PDS5B: variants seen among roughly 807,000 people sequenced by gnomAD.
PDS5B encodes the protein PDS5 cohesin associated factor B.
PDS5B carries 51 observed loss-of-function variants against 184.1 expected under a neutral mutation model. The observed-to-expected ratio is 0.28, with a 90% CI of 0.22 to 0.35. The LOEUF (loss-of-function observed/expected upper bound fraction) is 0.35. PDS5B is among the 10% of genes least tolerant of loss of function. The pLI, the probability that PDS5B is intolerant of heterozygous loss-of-function variation, is 1.00. For missense variants in PDS5B, 1,180 were observed against 1,723.3 expected (o/e 0.68, Z 5.58); for synonymous variants, 566 against 569.2 (o/e 0.99, Z 0.08).
intron 33 of PDS5B, among the ~76,000 whole-genome samples, chr13:32,772,103 T>C (rs1036258869): frequency 1.3e-5 from 2 of 152,140 alleles, no homozygotes; most frequent in African/African-American, 4.8e-5. Flanking sequence ...AAAAAGATTG[T>C]CATTATGTTT....
At chr13:32,625,961 C>G (rs1168360992) in intron 1 of PDS5B, among the ~76,000 whole-genome samples, 1 of 151,944 alleles carries the variant, frequency 6.6e-6, no homozygotes, top group Non-Finnish European at 1.5e-5. Flanking sequence ...GCCTCAGCCT[C>G]CAGAGTAGCT....
chr13:32,656,771 A>G lies in PDS5B; in HGVS notation c.313-1468A>G, dbSNP rs527966991. ...GCCACCATGCCTGGCTAATTTTCGT[A>G]TTTTTAGTAGAGATGGGGTTTTGCC... On this transcript the variant is annotated intron_variant, in intron 3 of 34. Coordinates refer to ENST00000315596, the MANE Select transcript of PDS5B (RefSeq NM_015032.4). 4.0e-5 allele frequency among the ~76,000 whole-genome samples: 6 copies of G among 151,654 alleles called. No individual in the cohort carries two copies. The South Asian group carries it at 1.0e-3, about 26-fold the overall frequency.
intron 1 of PDS5B, among the ~76,000 whole-genome samples, chr13:32,636,290 C>G (rs551765464): frequency 6.6e-6 from 1 of 152,142 alleles, no homozygotes; most frequent in Non-Finnish European, 1.5e-5. Flanking sequence ...GCTTTGAAAA[C>G]CATGATCTGT....
chr13:32,634,042 A>C (rs372793337), intron 1 of PDS5B, among the ~76,000 whole-genome samples: 1 of 152,076 alleles, frequency 6.6e-6, no homozygotes, highest in Non-Finnish European at 1.5e-5. Flanking sequence ...CCTCTCTTCA[A>C]ATACTCTTAT....
chr13:32,598,914 G>C lies in PDS5B; in HGVS notation c.-20+12321G>C, dbSNP rs143958739. ...GCCTTCCAAGTAGCTGGGACTATAG[G>C]CGCCTGCCACGGCGCCCAGCTAATT... On this transcript the variant is annotated intron_variant, in intron 1 of 34. Transcript: ENST00000315596. Among the ~76,000 whole-genome samples, 586 of 151,940 alleles carry C rather than the reference G, an allele frequency of 3.9e-3. 11 individuals carry two copies. The highest frequency in any genetic ancestry group is 0.013 in the African/African-American group (557 of 41,426).
chr13:32,667,941 A>G (rs1950844368), intron 7 of PDS5B, 97 bp downstream of exon 7: 1 of 562,136 alleles, frequency 1.8e-6, no homozygotes, highest in Non-Finnish European at 3.1e-6. Context: ...TAGTTTTAAA[A>G]ACAACAAATT....
intron 17 of PDS5B, among the ~76,000 whole-genome samples, chr13:32,705,488 C>T (rs1951983711): frequency 6.6e-6 from 1 of 152,136 alleles, no homozygotes; most frequent in African/African-American, 2.4e-5. Context: ...TAACTCCTAA[C>T]TTGACCTTAA....
At chr13:32,725,842 T>A (rs1272689106) in intron 19 of PDS5B, among the ~76,000 whole-genome samples, 3 of 152,140 alleles carry the variant, frequency 2.0e-5, no homozygotes, top group Non-Finnish European at 2.9e-5. Context: ...CTAAAAGTAG[T>A]CTTTTACTTT....
Position 32,684,118 on chromosome 13 carries a change from A to G in PDS5B, c.1203+95A>G, listed in dbSNP as rs1304499950. On this transcript the variant is annotated intron_variant, in intron 11 of 34. Coordinates refer to ENST00000315596, the MANE Select transcript of PDS5B (RefSeq NM_015032.4). Reference sequence around the variant, plus strand: ...TATATTTAAATATACATATTTAAATATAATTAGCCTTTTTTAGGGGTATGG... The same window carrying G: ...TATATTTAAATATACATATTTAAATGTAATTAGCCTTTTTTAGGGGTATGG... 3 of 552,654 alleles carry G rather than the reference A, an allele frequency of 5.4e-6. No individual in the cohort carries two copies. In the African/African-American group the frequency reaches 5.9e-5, roughly 11 times the overall value. The allele number at this position is 552,654 out of a possible 1,614,324, so 34.2% of individuals were successfully genotyped here. A position where few individuals can be genotyped will look rare whatever the true frequency, so the allele number is the denominator to read the frequency against.
rs1205818201 is a variant in PDS5B, at chr13:32,735,249, C to T, written c.2325C>T (p.Leu775=). The T allele has an allele frequency of 3.7e-6, 6 of 1,612,072 alleles. No homozygotes were observed. Among genetic ancestry groups the T allele is most frequent in the Non-Finnish European group, 5.1e-6 (6 of 1,178,438 alleles). ...TGGTTACTATTGGTCATATTGCTCT[C>T]CTTGCACCTGATCAATTTGCTGCTC... ...TPLVTIGHIA[L]LAPDQFAAPL... Residue 775 remains leucine (L), a synonymous_variant, in exon 21 of 35, where the codon CTC becomes CTT. Transcript: ENST00000315596.
chr13:32,718,434 G>A (rs1246654752), intron 19 of PDS5B, among the ~76,000 whole-genome samples: 1 of 152,140 alleles, frequency 6.6e-6, no homozygotes, highest in East Asian at 1.9e-4. Context: ...AGAGGTGTGA[G>A]CCACCACGCC....
rs1953522713 is a variant in PDS5B, at chr13:32,741,006, A to G, written c.2407-74A>G. 12 of 849,234 alleles carry G rather than the reference A, an allele frequency of 1.4e-5. 1 individual carries two copies. In the South Asian group the frequency reaches 1.7e-4, roughly 12 times the overall value. 52.6% of individuals were successfully genotyped at this position (849,234 alleles called of 1,614,324 possible). A position where few individuals can be genotyped will look rare whatever the true frequency, so the allele number is the denominator to read the frequency against. Reference sequence around the variant, plus strand: ...AAGGTACAGATTTCATTCATTTTCTAAGTGCTAATTGAAAAGAATTCATAT... The same window carrying G: ...AAGGTACAGATTTCATTCATTTTCTGAGTGCTAATTGAAAAGAATTCATAT... On this transcript the variant is annotated intron_variant, in intron 21 of 34. Transcript: ENST00000315596.
At chr13:32,741,766 A>G (rs1233186877) in intron 22 of PDS5B, among the ~76,000 whole-genome samples, 1 of 149,524 alleles carries the variant, frequency 6.7e-6, no homozygotes, top group African/African-American at 2.5e-5. Flanking sequence ...TCGTATTACG[A>G]ACTACCTTTT....
chr13:32,656,063 C>T (rs1950504869), intron 3 of PDS5B, among the ~76,000 whole-genome samples: 2 of 152,150 alleles, frequency 1.3e-5, no homozygotes, highest in Admixed American at 6.6e-5. Flanking sequence ...GTTATCCCAG[C>T]ACCATTTATT....
At chr13:32,608,107 C>T (rs2058088233) in intron 1 of PDS5B, among the ~76,000 whole-genome samples, 1 of 152,210 alleles carries the variant, frequency 6.6e-6, no homozygotes, top group Admixed American at 6.5e-5. Context: ...ATGCAGAAAT[C>T]ACCCGTGTTC....
chr13:32,688,497 A>G lies in PDS5B; in HGVS notation c.1397A>G (p.His466Arg). The change falls in exon 13 of 35, where the codon CAC (histidine) becomes CGC (arginine). Residue 466 changes from histidine to arginine, a missense_variant. By Grantham distance (29) the His-to-Arg change is conservative. This residue lies in a region of PDS5B where 475 missense variants were observed against 691.5 expected (regional missense o/e 0.69). Transcript: ENST00000315596. ...ATCTTTGCTCAATACATGGTTCCTC[A>G]CAATTTAGAAACTACAGAACGGATG... ...ERIFAQYMVPHNLETTERMKC... is the reference protein window; with the variant it reads ...ERIFAQYMVPRNLETTERMKC... 6.2e-7 allele frequency: 1 copy of G among 1,609,226 alleles called. No homozygotes were observed. The highest frequency in any genetic ancestry group is 1.1e-5 in the South Asian group (1 of 90,640).
At chr13:32,753,639 A>G (rs936549841) in intron 25 of PDS5B, 103 bp downstream of exon 25, 9 of 725,384 alleles carry the variant, frequency 1.2e-5, no homozygotes, top group Non-Finnish European at 1.7e-5. Flanking sequence ...ATTATTTGTG[A>G]TTAACAATTT....
At chr13:32,635,748 G>C (rs116652727) in intron 1 of PDS5B, among the ~76,000 whole-genome samples, 1 of 147,708 alleles carries the variant, frequency 6.8e-6, no homozygotes, top group Non-Finnish European at 1.5e-5. Context: ...AGTTTGCTCC[G>C]ATTTTTTAGT....
chr13:32,770,897 A>C, intron 33 of PDS5B, 136 bp downstream of exon 33: 1 of 657,332 alleles, frequency 1.5e-6, no homozygotes, highest in Non-Finnish European at 2.7e-6. Context: ...AAATTTTTAT[A>C]AACTTACCTT....
Sources: gnomAD v4.1 joint callset for allele counts (sites outside exome capture counted in the v4.1 genomes callset) on GRCh38, gnomAD v4.1.1 for gene constraint, gnomAD v4.1.1 regional missense constraint, MANE v1.5 for transcripts, NCBI Gene and HGNC (gene_info 2026-07-23, HGNC 2026-07-21) for gene names.